Variants in WDFY2 observed in about 807,000 individuals in gnomAD.
The protein encoded by WDFY2 is WD repeat and FYVE domain containing 2.
WDFY2 carries 36 observed loss-of-function variants against 56.4 expected under a neutral mutation model. That is an observed-to-expected ratio of 0.64 (90% confidence interval 0.49 to 0.84). The LOEUF (loss-of-function observed/expected upper bound fraction) is 0.84. Among genes scored for constraint, WDFY2 ranks in the 40% least tolerant of loss-of-function variants. WDFY2 has a pLI of 0.00. For synonymous variants in WDFY2, 176 were observed against 183.7 expected, an observed-to-expected ratio of 0.96 and a Z score of 0.34; for missense variants, 444 against 512.2, an observed-to-expected ratio of 0.87 and a Z score of 1.29.
intron 3 of WDFY2, among the ~76,000 whole-genome samples, chr13:51,687,467 A>G (rs1463888189): frequency 6.6e-6 from 1 of 152,092 alleles, no homozygotes; most frequent in Non-Finnish European, 1.5e-5. Context: ...CATTAAGAAG[A>G]TATCATCTGA....
rs374353333 is a variant in WDFY2, at chr13:51,758,612, A to G, written c.1173+312A>G. ...TGAGTGTTTTTGAGAACCTATTACAAACCTGATACATGCACAGCCTCATCC... is the reference window on the plus strand; with the variant it reads ...TGAGTGTTTTTGAGAACCTATTACAGACCTGATACATGCACAGCCTCATCC... On this transcript the variant is annotated intron_variant, in intron 11 of 11. Transcript: ENST00000298125. Among the ~76,000 whole-genome samples, 15 of 152,198 alleles carry G rather than the reference A, an allele frequency of 9.9e-5. 1 individual carries two copies. In the East Asian group the frequency reaches 2.7e-3, roughly 27 times the overall value.
At chr13:51,683,293 A>G (rs1956008655) in intron 3 of WDFY2, among the ~76,000 whole-genome samples, 1 of 152,268 alleles carries the variant, frequency 6.6e-6, no homozygotes, top group South Asian at 2.1e-4. Flanking sequence ...TGGTCCTACA[A>G]CTTTTAAAAT....
chr13:51,625,385 C>T lies in WDFY2; in HGVS notation c.138-35211C>T, dbSNP rs1006976377. 3.9e-5 allele frequency among the ~76,000 whole-genome samples: 6 copies of T among 152,286 alleles called. No individual in the cohort carries two copies. In the East Asian group the frequency reaches 5.8e-4, roughly 15 times the overall value. On this transcript the variant is annotated intron_variant, in intron 1 of 11. Transcript: ENST00000298125. ...GTGTGTGTAAATGTTTGCACTGTAACGCTCCTGTTCATCAGTTTTAGTTTG... is the reference window on the plus strand; with the variant it reads ...GTGTGTGTAAATGTTTGCACTGTAATGCTCCTGTTCATCAGTTTTAGTTTG...
At chr13:51,718,602 A>ACACACT (rs1566176846) in intron 4 of WDFY2, among the ~76,000 whole-genome samples, 1 of 147,774 alleles carries the variant, frequency 6.8e-6, no homozygotes, top group Non-Finnish European at 1.5e-5. Flanking sequence ...ACACACACAC[A>ACACACT]CTGTAACATA....
Position 51,727,771 on chromosome 13 carries a change from A to C in WDFY2, c.579A>C (p.Thr193=), listed in dbSNP as rs756292007. 3.1e-6 allele frequency: 5 copies of C among 1,614,242 alleles called. No individual in the cohort carries two copies. The South Asian group carries it at 5.5e-5, about 18-fold the overall frequency. ...AGCAAGAAAACTGCACCCTGGTCAC[A>C]ACATTCAGAGGACACACAGGTAGGA... ...KLEQENCTLV[T]TFRGHTGGVT... Residue 193 remains threonine (T), a synonymous_variant, in exon 6 of 12, where the codon ACA becomes ACC. Coordinates refer to ENST00000298125, the MANE Select transcript of WDFY2 (RefSeq NM_052950.4).
At chr13:51,607,938 G>A (rs1954414657) in intron 1 of WDFY2, among the ~76,000 whole-genome samples, 1 of 152,180 alleles carries the variant, frequency 6.6e-6, no homozygotes, top group South Asian at 2.1e-4. Flanking sequence ...TTGTAAGAGG[G>A]AGGCAGAAGG....
At chr13:51,660,239 C>T (rs963377434) in intron 1 of WDFY2, among the ~76,000 whole-genome samples, 1 of 151,912 alleles carries the variant, frequency 6.6e-6, no homozygotes, top group Non-Finnish European at 1.5e-5. Context: ...CTCTGTTACC[C>T]AGGCTGGAGT....
At chr13:51,608,543 G>A (rs1954426432) in intron 1 of WDFY2, among the ~76,000 whole-genome samples, 1 of 152,204 alleles carries the variant, frequency 6.6e-6, no homozygotes, top group Admixed American at 6.5e-5. Flanking sequence ...TTAGCTGGGT[G>A]TGGTGGCGCA....
chr13:51,584,472 C>G lies in WDFY2; in HGVS notation c.-216C>G. 3.4e-6 allele frequency: 2 copies of G among 587,782 alleles called. No individual in the cohort carries two copies. The highest frequency in any genetic ancestry group is 5.6e-6 in the Non-Finnish European group (2 of 355,822). The allele number at this position is 587,782 out of a possible 1,614,324, so 36.4% of individuals were successfully genotyped here. ...CCGCCCCCTCCTCTTGTAGTGGCGC[C>G]GGCTTGCATCCCAGGTCGTGGCGGT... On this transcript the variant is annotated 5_prime_UTR_variant, in exon 1 of 12. Transcript: ENST00000298125.
At position 51,760,623 on chromosome 13, in the gene WDFY2, A is replaced by G. The variant is rs535716126; in HGVS notation, c.*854A>G. The G allele has an allele frequency of 8.5e-5, 13 of 152,312 alleles. No individual in the cohort carries two copies. Among genetic ancestry groups the G allele is most frequent in the African/African-American group, 3.1e-4 (13 of 41,558 alleles). The allele number at this position is 152,312 out of a possible 1,614,324, so 9.4% of individuals were successfully genotyped here. A position where few individuals can be genotyped will look rare whatever the true frequency, so the allele number is the denominator to read the frequency against. ...ACGCAGCTCTCCCTCACTCGTAACA[A>G]TGAAAACAAATGACACACACACAAA... On this transcript the variant is annotated 3_prime_UTR_variant, in exon 12 of 12. Transcript: ENST00000298125.
rs66771214 is a variant in WDFY2 at position 51,667,879 on chromosome 13, C to CTTTTTTTTTTTTT, written c.205+7234_205+7246dup. ...GAAGAAAAAGGTACCTGAGGAACTT[C>CTTTTTTTTTTTTT]TTTTTTTTTTTTTTTTTTTTTTTTT... On this transcript the variant is annotated intron_variant, in intron 2 of 11. Transcript: ENST00000298125. Among the ~76,000 whole-genome samples the CTTTTTTTTTTTTT allele has an allele frequency of 1.8e-3, 90 of 50,058 alleles. 14 individuals carry two copies. Among genetic ancestry groups the CTTTTTTTTTTTTT allele is most frequent in the African/African-American group, 2.5e-3 (25 of 10,032 alleles). The allele number at this position is 50,058 out of a possible 152,430, so 32.8% of individuals were successfully genotyped here.
chr13:51,723,227 C>G (rs964227201), intron 5 of WDFY2, among the ~76,000 whole-genome samples: 1 of 152,298 alleles, frequency 6.6e-6, no homozygotes, highest in South Asian at 2.1e-4. Flanking sequence ...TCCTTATATA[C>G]TTCATTGAAA....
In WDFY2 at chr13:51,614,959, T is replaced by C. The variant is rs775311327; in HGVS notation, c.137+30135T>C. On this transcript the variant is annotated intron_variant, in intron 1 of 11. Coordinates refer to ENST00000298125, the MANE Select transcript of WDFY2 (RefSeq NM_052950.4). ...CTCTGAGAGATCATATACACATTGA[T>C]GTAAAAGAATAAAGTAAGCTCAGAG... is the stretch of plus-strand genomic sequence containing the variant. 5.3e-5 allele frequency among the ~76,000 whole-genome samples: 8 copies of C among 152,182 alleles called. No homozygotes were observed. The South Asian group carries it at 6.2e-4, about 12-fold the overall frequency.
At position 51,665,173 on chromosome 13, in the gene WDFY2, T is replaced by C. The variant is rs574360444; in HGVS notation, c.205+4510T>C. Among the ~76,000 whole-genome samples the C allele has an allele frequency of 4.6e-5, 7 of 152,336 alleles. No homozygotes were observed. In the South Asian group the frequency reaches 1.4e-3, roughly 32 times the overall value. On this transcript the variant is annotated intron_variant, in intron 2 of 11. Coordinates refer to ENST00000298125, the MANE Select transcript of WDFY2 (RefSeq NM_052950.4). ...ATTTGGGGATGACTGCTGGCTTGTT[T>C]TGTAGTTTGCTATAAGCTAGCTGAT...
chr13:51,640,953 G>A (rs1955143721), intron 1 of WDFY2, among the ~76,000 whole-genome samples: 2 of 152,238 alleles, frequency 1.3e-5, no homozygotes, highest in Non-Finnish European at 2.9e-5. Flanking sequence ...AATAGAGACA[G>A]CGCAGGCAGA....
Position 51,727,930 on chromosome 13 carries a change from C to T in WDFY2, c.598+140C>T, listed in dbSNP as rs1952640539. 7 of 716,774 alleles carry T rather than the reference C, an allele frequency of 9.8e-6. No homozygotes were observed. In the East Asian group the frequency reaches 1.9e-4, roughly 20 times the overall value. 44.4% of individuals were successfully genotyped at this position (716,774 alleles called of 1,614,324 possible). On this transcript the variant is annotated intron_variant, in intron 6 of 11. Coordinates refer to ENST00000298125, the MANE Select transcript of WDFY2 (RefSeq NM_052950.4). ...AAAGATACACATGATATGCTTAACTCATTTCAAAATGGTTCAGTAAGATAT... is the reference window on the plus strand; with the variant it reads ...AAAGATACACATGATATGCTTAACTTATTTCAAAATGGTTCAGTAAGATAT...
chr13:51,757,245 C>T (rs191831090), intron 10 of WDFY2, among the ~76,000 whole-genome samples: 2 of 152,288 alleles, frequency 1.3e-5, no homozygotes, highest in African/African-American at 4.8e-5. Flanking sequence ...TTCTACTCAT[C>T]ATACGTGATG....
intron 7 of WDFY2, among the ~76,000 whole-genome samples, chr13:51,745,973 CTTTT>C (rs59572351): frequency 9.9e-6 from 1 of 100,760 alleles, no homozygotes. Flanking sequence ...TTTTCTTTTT[CTTTT>C]TTTTTTTTTT....
chr13:51,628,218 T>C (rs574516629), intron 1 of WDFY2, among the ~76,000 whole-genome samples: 12 of 152,222 alleles, frequency 7.9e-5, no homozygotes, highest in Non-Finnish European at 1.8e-4. Flanking sequence ...CAGGCCCCAC[T>C]GGGCTCCCTC....
Sources: allele counts gnomAD v4.1 joint callset (sites outside exome capture counted in the v4.1 genomes callset), GRCh38; gene constraint gnomAD v4.1.1; transcripts MANE v1.5; gene names NCBI Gene and HGNC (gene_info 2026-07-23, HGNC 2026-07-21).